Variants in NFATC2 observed in about 807,000 individuals in gnomAD.
The protein encoded by NFATC2 is nuclear factor of activated T cells 2.
In NFATC2, 22 loss-of-function variants were observed where a neutral mutation model predicts 87.3. The observed-to-expected ratio is 0.25, with a 90% CI of 0.18 to 0.36. The LOEUF is 0.36. NFATC2 is among the 10% of genes least tolerant of loss of function. The pLI, the probability that NFATC2 is intolerant of heterozygous loss-of-function variation, is 1.00. For missense variants in NFATC2, 1,149 were observed against 1,259.1 expected (o/e 0.91, Z 1.32); for synonymous variants, 565 against 542.2 (o/e 1.04, Z -0.58).
At chr20:51,451,191 G>A (rs1985727307) in intron 6 of NFATC2, among the ~76,000 whole-genome samples, 1 of 152,240 alleles carries the variant, frequency 6.6e-6, no homozygotes, top group African/African-American at 2.4e-5. Context: ...CCACTTTGCA[G>A]GACAGCTCGG....
rs868503631 is a variant in NFATC2, at chr20:51,418,658, G to T, written c.2722+13409C>A. ...TTAGGTTTTCTTTTGTTGTTTGTTT[G>T]GTTTTTTTTTTTTTTTTTTTTTGAG... On this transcript the variant is annotated intron_variant, in intron 9 of 10. Coordinates refer to ENST00000371564, the MANE Select transcript of NFATC2 (RefSeq NM_012340.5). Among the ~76,000 whole-genome samples the T allele has an allele frequency of 1.4e-3, 203 of 140,220 alleles. 3 individuals are homozygous for T. Among genetic ancestry groups the T allele is most frequent in the African/African-American group, 5.7e-3 (191 of 33,232 alleles). The allele number at this position is 140,220 out of a possible 152,430, so 92.0% of individuals were successfully genotyped here.
intron 9 of NFATC2, among the ~76,000 whole-genome samples, chr20:51,405,781 C>T (rs1050068931): frequency 1.3e-5 from 2 of 152,152 alleles, no homozygotes; most frequent in Non-Finnish European, 2.9e-5. Flanking sequence ...GAATAACTAC[C>T]ACCTCCTAAT....
chr20:51,440,961 A>C (rs1258420783), intron 6 of NFATC2, among the ~76,000 whole-genome samples: 1 of 152,046 alleles, frequency 6.6e-6, no homozygotes, highest in African/African-American at 2.4e-5. Context: ...TCTGAATTGC[A>C]CTCCCATGGG....
intron 5 of NFATC2, among the ~76,000 whole-genome samples, chr20:51,462,411 A>G (rs1987259200): frequency 6.6e-6 from 1 of 152,170 alleles, no homozygotes; most frequent in Admixed American, 6.5e-5. Context: ...GCGCCACTGC[A>G]CTCCAGCCTG....
At chr20:51,483,300 G>C (rs775012360) in intron 3 of NFATC2, among the ~76,000 whole-genome samples, 2 of 152,036 alleles carry the variant, frequency 1.3e-5, no homozygotes, top group Non-Finnish European at 2.9e-5. Context: ...AAATGGCAAC[G>C]GGCCAAACAG....
chr20:51,544,698 G>A (rs2076875141), upstream of NFATC2, among the ~76,000 whole-genome samples: 2 of 152,208 alleles, frequency 1.3e-5, no homozygotes, highest in African/African-American at 2.4e-5. Flanking sequence ...CACCTGGAGA[G>A]CTGTTAAAAT....
At chr20:51,418,336 G>A (rs571655632) in intron 9 of NFATC2, among the ~76,000 whole-genome samples, 12 of 152,326 alleles carry the variant, frequency 7.9e-5, no homozygotes, top group African/African-American at 2.4e-4. Context: ...CCCCCCAGGG[G>A]ATACTTGGCA....
At chr20:51,401,331 G>A (rs1404762201) in intron 9 of NFATC2, among the ~76,000 whole-genome samples, 1 of 151,080 alleles carries the variant, frequency 6.6e-6, no homozygotes. Context: ...GAGCAAGACT[G>A]TCTCAAAAAA....
intron 5 of NFATC2, among the ~76,000 whole-genome samples, chr20:51,461,333 A>G (rs1044705331): frequency 1.3e-4 from 20 of 152,142 alleles, no homozygotes; most frequent in African/African-American, 3.9e-4. Context: ...CACAGCCTGC[A>G]GTTTTCCAAC....
chr20:51,530,016 T>G (rs1210979176), intron 1 of NFATC2, among the ~76,000 whole-genome samples: 5 of 152,126 alleles, frequency 3.3e-5, no homozygotes, highest in Non-Finnish European at 7.3e-5. Context: ...TGTCATACAT[T>G]CTTGCTACCA....
intron 6 of NFATC2, among the ~76,000 whole-genome samples, chr20:51,451,500 C>G (rs539094448): frequency 6.6e-6 from 1 of 152,198 alleles, no homozygotes; most frequent in Admixed American, 6.5e-5. Context: ...CCCAGGACAG[C>G]GCCCCTGCCA....
chr20:51,459,150 C>A (rs1287727648), intron 5 of NFATC2, among the ~76,000 whole-genome samples: 2 of 152,158 alleles, frequency 1.3e-5, no homozygotes, highest in Non-Finnish European at 2.9e-5. Flanking sequence ...CAAATATCAA[C>A]CCAAATGGTC....
intron 2 of NFATC2, among the ~76,000 whole-genome samples, 156 bp from the exon 3 acceptor site, chr20:51,517,111 TC>T (rs1489674627): frequency 6.6e-6 from 1 of 152,136 alleles, no homozygotes; most frequent in Non-Finnish European, 1.5e-5. Context: ...TATGTGAACA[TC>T]AGAGTGCACT....
intron 6 of NFATC2, among the ~76,000 whole-genome samples, chr20:51,448,983 C>T (rs149502709): frequency 6.6e-6 from 1 of 152,254 alleles, no homozygotes; most frequent in East Asian, 1.9e-4. Flanking sequence ...ACTGTTTTTC[C>T]ACTGCTCTCC....
intron 2 of NFATC2, among the ~76,000 whole-genome samples, chr20:51,518,039 C>T (rs541348653): frequency 1.3e-5 from 2 of 152,300 alleles, no homozygotes; most frequent in African/African-American, 2.4e-5. Flanking sequence ...AATGCTGAGG[C>T]AGCACATATT....
chr20:51,554,985 C>T (rs1454908701), intron 1 of NFATC2, among the ~76,000 whole-genome samples: 1 of 152,168 alleles, frequency 6.6e-6, no homozygotes, highest in Non-Finnish European at 1.5e-5. Context: ...CAGGGACCAT[C>T]CCTGTGGAAC....
At position 51,432,124 on chromosome 20, in the gene NFATC2, G is replaced by A. The variant is rs773544975; in HGVS notation, c.2665C>T (p.Pro889Ser). Residue 889 changes from proline to serine, a missense_variant, in exon 9 of 11, where the codon CCT becomes TCT. Pro to Ser is a moderately conservative substitution (Grantham distance 74). Coordinates refer to ENST00000371564, the MANE Select transcript of NFATC2 (RefSeq NM_012340.5). This position sits in a 1 kb window ranked among gnomAD's most constrained non-coding sequence, Gnocchi z 4.6. ...PPVSDQKEVLPAGVTIKQEQN... is the reference protein window; with the variant it reads ...PPVSDQKEVLSAGVTIKQEQN... ...TCCTGTTTAATGGTCACCCCCGCAG[G>A]TAATACTTCCTTTTGGTCACTGACC... is the stretch of plus-strand genomic sequence containing the variant. 2 of 1,575,566 alleles carry A rather than the reference G, an allele frequency of 1.3e-6. No homozygotes were observed. The highest frequency in any genetic ancestry group is 1.7e-6 in the Non-Finnish European group (2 of 1,157,548).
intron 5 of NFATC2, among the ~76,000 whole-genome samples, chr20:51,460,602 C>T (rs1987036444): frequency 6.7e-6 from 1 of 149,706 alleles, no homozygotes; most frequent in Non-Finnish European, 1.5e-5. Flanking sequence ...CACTGCTGTT[C>T]TCGGTGAATC....
At chr20:51,549,499 C>A (rs2076915841) in intron 1 of NFATC2, among the ~76,000 whole-genome samples, 1 of 152,356 alleles carries the variant, frequency 6.6e-6, no homozygotes, top group South Asian at 2.1e-4. Flanking sequence ...TCCAGGCTGA[C>A]TTTCCTGCTG....
Sources: gnomAD v4.1 joint callset for allele counts (sites outside exome capture counted in the v4.1 genomes callset) on GRCh38, gnomAD v4.1.1 for gene constraint, Gnocchi (gnomAD v3.1) non-coding constraint, MANE v1.5 for transcripts, NCBI Gene and HGNC (gene_info 2026-07-23, HGNC 2026-07-21) for gene names.